The following MYO1A variants were observed in gnomAD, a reference collection of about 807,000 sequenced individuals.
MYO1A encodes unconventional myosin-Ia.
In MYO1A, 127 loss-of-function variants were observed where a neutral mutation model predicts 138.5. The observed-to-expected ratio is 0.92, with a 90% CI of 0.79 to 1.06. MYO1A has a LOEUF of 1.06. MYO1A is among the 50% of genes least tolerant of loss of function. MYO1A has a pLI of 0.00. For missense variants in MYO1A, 1,211 were observed against 1,288.8 expected (o/e 0.94, Z 0.92); for synonymous variants, 477 against 497.5 (o/e 0.96, Z 0.55).
Position 57,028,764 on chromosome 12 carries a change from A to C in MYO1A, c.3123T>G (p.Thr1041=), listed in dbSNP as rs1255604741. 6.2e-7 allele frequency: 1 copy of C among 1,614,110 alleles called. No homozygotes were observed. The highest frequency in any genetic ancestry group is 1.1e-5 in the South Asian group (1 of 91,070). The change falls in exon 28 of 28, where the codon ACT becomes ACG. Residue 1041 remains threonine (T), a synonymous_variant. Coordinates refer to ENST00000300119, the MANE Select transcript of MYO1A (RefSeq NM_005379.4). ...GCATGGTGCCCCCTCCTCACTGCAC[A>C]GTCACCTCCAAGCAATGACTCCCCT... The part of the protein sequence containing the change: ...KKKGSHCLEV[T]VQ
intron 21 of MYO1A, 31 bp from the exon 22 acceptor site, chr12:57,036,412 G>T: frequency 6.3e-7 from 1 of 1,599,714 alleles, no homozygotes; most frequent in South Asian, 1.1e-5. Context: ...AGGAGCCAAA[G>T]TGAAGATAGG....
intron 12 of MYO1A, among the ~76,000 whole-genome samples, chr12:57,042,412 CT>C (rs1393446729): frequency 6.6e-6 from 1 of 152,162 alleles, no homozygotes; most frequent in Non-Finnish European, 1.5e-5. Context: ...GCTGTTTCTA[CT>C]TTTTGGCTAT....
intron 22 of MYO1A, among the ~76,000 whole-genome samples, chr12:57,032,318 G>A (rs1438291081): frequency 6.6e-6 from 1 of 152,178 alleles, no homozygotes; most frequent in Admixed American, 6.5e-5. Context: ...GCCTGGAACT[G>A]TTCTAGGTAC....
In MYO1A at chr12:57,038,017, C is replaced by T. The variant is rs749255648; in HGVS notation, c.1813G>A (p.Val605Met). 5.0e-6 allele frequency: 8 copies of T among 1,614,184 alleles called. No homozygotes were observed. Among genetic ancestry groups the T allele is most frequent in the Non-Finnish European group, 6.8e-6 (8 of 1,180,042 alleles). ...CCCAGGTACCGAGCCTGGGTTGCCA[C>T]CAGGTCTGAAGAGAACTGACCTCGC... ...QQRGQFSSDL[V>M]ATQARYLGLL... The change falls in exon 18 of 28, where the codon GTG (valine) becomes ATG (methionine). Residue 605 changes from valine (V) to methionine (M), a missense_variant. Physicochemically the swap from Val to Met is conservative, Grantham distance 21. Coordinates refer to ENST00000300119, the MANE Select transcript of MYO1A (RefSeq NM_005379.4).
intron 10 of MYO1A, 105 bp from the exon 11 acceptor site, chr12:57,043,463 T>C: frequency 8.9e-7 from 1 of 1,119,946 alleles, no homozygotes; most frequent in Non-Finnish European, 1.4e-6. Context: ...TGTCCTGGGG[T>C]CTCACTGGAG....
Position 57,037,879 on chromosome 12 carries a change from C to A in MYO1A, c.1951G>T (p.Gly651Trp), listed in dbSNP as rs202083321. The A allele has an allele frequency of 9.3e-6, 15 of 1,614,006 alleles. No homozygotes were observed. Among genetic ancestry groups the A allele is most frequent in the Non-Finnish European group, 1.3e-5 (15 of 1,180,016 alleles). Residue 651 changes from glycine to tryptophan, a missense_variant, in exon 18 of 28, where the codon GGG becomes TGG. Transcript: ENST00000300119. The stretch of plus-strand genomic sequence containing the variant: ...CCCATGGGGTCTTACCGGTCTCCCC[C>A]ATTCCAGTGAGGCCAGGTGCTCCGG... ...LSRSTWPHWN[G>W]GDREGVEKVL...
At position 57,041,263 on chromosome 12, in the gene MYO1A, A is replaced by G. The variant is rs1205949929; in HGVS notation, c.1190T>C (p.Ile397Thr). 3 of 1,614,090 alleles carry G rather than the reference A, an allele frequency of 1.9e-6. No individual in the cohort carries two copies. The highest frequency in any genetic ancestry group is 2.2e-5 in the South Asian group (2 of 91,076). The change falls in exon 14 of 28, where the codon ATC becomes ACC. Residue 397 changes from isoleucine to threonine, a missense_variant. Coordinates refer to ENST00000300119, the MANE Select transcript of MYO1A (RefSeq NM_005379.4). The stretch of plus-strand genomic sequence containing the variant: ...CTGCAGCTTCTCATTGCAGTAGTTG[A>G]TCACAAATTGCTCAAAGCTATTATC... The part of the protein sequence containing the change: ...LEDNSFEQFV[I>T]NYCNEKLQQV...
Position 57,037,543 on chromosome 12 carries a change from C to G in MYO1A, c.2055+5G>C. 2 of 1,613,802 alleles carry G rather than the reference C, an allele frequency of 1.2e-6. No homozygotes were observed. The highest frequency in any genetic ancestry group is 1.7e-6 in the Non-Finnish European group (2 of 1,179,690). On this transcript the variant is annotated splice_donor_5th_base_variant and intron_variant, in intron 19 of 27. Coordinates refer to ENST00000300119, the MANE Select transcript of MYO1A (RefSeq NM_005379.4). ...CACCAAATGCTAATGCACTCTCTAA[C>G]TCACAGTCTTGGGGCTTCTAATGAA... is the stretch of plus-strand genomic sequence containing the variant.
In MYO1A at chr12:57,038,808, C is replaced by A. The variant is rs775975701; in HGVS notation, c.1533+1G>T. On this transcript the variant is annotated splice_donor_variant, in intron 16 of 27. Transcript: ENST00000300119. LOFTEE classifies it high-confidence loss of function. ...TCTGCCCTCCAGCCCTGCCATTTCA[C>A]CTTGCCCGCATAGTGGCAGATGCGG... is the stretch of plus-strand genomic sequence containing the variant. 6.2e-7 allele frequency: 1 copy of A among 1,614,192 alleles called. No homozygotes were observed. The highest frequency in any genetic ancestry group is 8.5e-7 in the Non-Finnish European group (1 of 1,180,034).
rs760414447 is a variant in MYO1A, at chr12:57,031,161, AG to A, written c.2362del (p.Leu788TyrfsTer4). On this transcript the variant is annotated frameshift_variant, in exon 23 of 28. Coordinates refer to ENST00000300119, the MANE Select transcript of MYO1A (RefSeq NM_005379.4). LOFTEE classifies it high-confidence loss of function. Reference sequence around the variant, plus strand: ...TGGCAAATTGTTCTTCAGCCCCAGTAGGAATTTCTGTACCTAGTTTGGGACC... The same window carrying A: ...TGGCAAATTGTTCTTCAGCCCCAGTAGAATTTCTGTACCTAGTTTGGGACC... The part of the protein sequence containing the change: ...FIYKSMVQKF[L>X]LGLKNNLPST... 13 of 1,614,140 alleles carry A rather than the reference AG, an allele frequency of 8.1e-6. No homozygotes were observed. The Admixed American group carries it at 2.2e-4, about 27-fold the overall frequency.
chr12:57,029,316 C>A (rs1469838501), intron 26 of MYO1A, 57 bp from the exon 27 acceptor site: 1 of 1,613,466 alleles, frequency 6.2e-7, no homozygotes, highest in African/African-American at 1.3e-5. Flanking sequence ...TCAGGAGCAC[C>A]TGAGGGACAT....
At position 57,031,362 on chromosome 12, in the gene MYO1A, C is replaced by T. The variant is rs755221; in HGVS notation, c.2350-188G>A. Among the ~76,000 whole-genome samples, 13,762 of 152,084 alleles carry T rather than the reference C, an allele frequency of 0.09. 659 individuals carry two copies. The highest frequency in any genetic ancestry group is 0.18 in the East Asian group (940 of 5,180). The stretch of plus-strand genomic sequence containing the variant: ...TCAGCAAGAGGTGCAGGCTTGAGGC[C>T]GGGAGGTAAGAGCATGAATAGGAGA... On this transcript the variant is annotated intron_variant, in intron 22 of 27. Transcript: ENST00000300119.
At chr12:57,043,713 G>T in intron 10 of MYO1A, 143 bp downstream of exon 10, 1 of 1,051,894 alleles carries the variant, frequency 9.5e-7, no homozygotes, top group Non-Finnish European at 1.4e-6. Flanking sequence ...TTCTCAGTGA[G>T]TCTGTTTAGG....
Position 57,029,861 on chromosome 12 carries a change from G to A in MYO1A, c.2603C>T (p.Pro868Leu), listed in dbSNP as rs1592468313. The A allele has an allele frequency of 1.2e-6, 2 of 1,614,196 alleles. No homozygotes were observed. The highest frequency in any genetic ancestry group is 1.7e-6 in the Non-Finnish European group (2 of 1,180,038). ...KASYPQSVPIPFCGDYIGLQG... is the reference protein window; with the variant it reads ...KASYPQSVPILFCGDYIGLQG... Reference sequence around the variant, plus strand: ...CAGCCCAATGTAGTCACCACAGAATGGAATGGGGACACTGAGAACACATGG... The same window carrying A: ...CAGCCCAATGTAGTCACCACAGAATAGAATGGGGACACTGAGAACACATGG... The change falls in exon 25 of 28, where the codon CCA (proline) becomes CTA (leucine). Residue 868 changes from proline to leucine, a missense_variant. Coordinates refer to ENST00000300119, the MANE Select transcript of MYO1A (RefSeq NM_005379.4).
chr12:57,046,754 G>A (rs1251927563), intron 7 of MYO1A, 104 bp from the exon 8 acceptor site: 2 of 1,507,946 alleles, frequency 1.3e-6, no homozygotes, highest in African/African-American at 2.7e-5. Context: ...CTAGTGGTTG[G>A]GAAGTCTCCT....
In MYO1A at chr12:57,043,353, G is replaced by T; in HGVS notation, c.898C>A (p.Arg300=). The change falls in exon 11 of 28, where the codon CGG becomes AGG. Residue 300 remains arginine (R), a synonymous_variant. Transcript: ENST00000300119. ...AAGCCCACCATCTCCCCAATCTCCC[G>T]AACACCTGGGATAATGAGAAAGTAC... ...ASGIRDGRGV[R]EIGEMVGLNS... 1 of 1,613,550 alleles carries T rather than the reference G, an allele frequency of 6.2e-7. No individual in the cohort carries two copies. Among genetic ancestry groups the T allele is most frequent in the Non-Finnish European group, 8.5e-7 (1 of 1,179,586 alleles).
chr12:57,042,649 G>A (rs1410567770), intron 12 of MYO1A, among the ~76,000 whole-genome samples: 2 of 151,484 alleles, frequency 1.3e-5, no homozygotes, highest in Admixed American at 1.3e-4. Flanking sequence ...ATAGAGTTGG[G>A]GTCTCACTAT....
In MYO1A at chr12:57,029,269, A is replaced by T. The variant is rs1278921517; in HGVS notation, c.2878-10T>A. 1 of 1,613,940 alleles carries T rather than the reference A, an allele frequency of 6.2e-7. No individual in the cohort carries two copies. Among genetic ancestry groups the T allele is most frequent in the Admixed American group, 1.7e-5 (1 of 60,022 alleles). On this transcript the variant is annotated splice_polypyrimidine_tract_variant and intron_variant, in intron 26 of 27. Transcript: ENST00000300119. ...AGCCCACCGATGACATCTTAGGAAG[A>T]GGGAAAAATAGCAGGAAAGGGATTC... is the stretch of plus-strand genomic sequence containing the variant.
rs142076972 is a variant in MYO1A, at chr12:57,037,021, C to T, written c.2126G>A (p.Arg709Gln). 46 of 1,614,152 alleles carry T rather than the reference C, an allele frequency of 2.8e-5. 1 individual carries two copies. In the South Asian group the frequency reaches 3.5e-4, roughly 12 times the overall value. Residue 709 changes from arginine (R) to glutamine (Q), a missense_variant, in exon 20 of 28, where the codon CGA becomes CAA. Arg to Gln is a conservative substitution (Grantham distance 43). Transcript: ENST00000300119. Reference sequence around the variant, plus strand: ...GTAGTGGGTGCGGCAGCGCCAGCCTCGGTAAATCTTCTGTATGAGTGTGGC... The same window carrying T: ...GTAGTGGGTGCGGCAGCGCCAGCCTTGGTAAATCTTCTGTATGAGTGTGGC... ...QLATLIQKIYRGWRCRTHYQL... is the reference protein window; with the variant it reads ...QLATLIQKIYQGWRCRTHYQL...
Sources: allele counts gnomAD v4.1 joint callset (sites outside exome capture counted in the v4.1 genomes callset), GRCh38; gene constraint gnomAD v4.1.1; transcripts MANE v1.5; gene names NCBI Gene and HGNC (gene_info 2026-07-23, HGNC 2026-07-21).